Variants in SPECC1 observed in about 807,000 individuals in gnomAD.
The protein encoded by SPECC1 is cytospin-B.
SPECC1 carries 62 observed loss-of-function variants against 104.1 expected under a neutral mutation model. That is an observed-to-expected ratio of 0.60 (90% CI 0.49 to 0.74). The LOEUF (loss-of-function observed/expected upper bound fraction) is 0.74. Ranked by LOEUF, SPECC1 falls within the 30% of genes least tolerant of loss-of-function variation. SPECC1 has a pLI of 0.00. For synonymous variants in SPECC1, 513 were observed against 501.6 expected (o/e 1.02, Z -0.30); for missense variants, 1,306 against 1,310.5 (o/e 1.00, Z 0.05).
In SPECC1 at chr17:20,317,665, GC is replaced by G; in HGVS notation, c.*3601del. On this transcript the variant is annotated 3_prime_UTR_variant, in exon 15 of 15. Coordinates refer to ENST00000395527, the MANE Select transcript of SPECC1 (RefSeq NM_001243439.2). ...CACTTGAGCCCAGGAGTTTGAGGCT[GC>G]AGTAAGCTGTGTTTGTGCCACTGCA... is the stretch of plus-strand genomic sequence containing the variant. 4.9e-6 allele frequency: 1 copy of G among 202,156 alleles called. No individual in the cohort carries two copies. The highest frequency in any genetic ancestry group is 1.0e-5 in the Non-Finnish European group (1 of 98,444). The allele number at this position is 202,156 out of a possible 1,614,324, so 12.5% of individuals were successfully genotyped here.
chr17:20,205,084 C>T lies in SPECC1; in HGVS notation c.1035C>T (p.Ser345=), dbSNP rs764089118. 19 of 1,614,068 alleles carry T rather than the reference C, an allele frequency of 1.2e-5. No individual in the cohort carries two copies. In the Admixed American group the frequency reaches 3.2e-4, roughly 27 times the overall value. The part of the protein sequence containing the change: ...TAETPSRPLS[S]TSNPFKSSKC... ...AGACACCCTCAAGGCCCCTGTCCTC[C>T]ACCAGTAACCCCTTTAAGAGTTCAA... The change falls in exon 4 of 15, where the codon TCC becomes TCT. Residue 345 remains serine (S), a synonymous_variant. Transcript: ENST00000395527.
At chr17:20,233,524 G>A (rs753098278) in intron 7 of SPECC1, among the ~76,000 whole-genome samples, 18 of 152,104 alleles carry the variant, frequency 1.2e-4, no homozygotes, top group Non-Finnish European at 1.8e-4. Flanking sequence ...AATCAATATC[G>A]AGATCATTAT....
At chr17:20,142,281 G>T (rs2030904803) in intron 3 of SPECC1, among the ~76,000 whole-genome samples, 3 of 152,148 alleles carry the variant, frequency 2.0e-5, no homozygotes, top group Non-Finnish European at 2.9e-5. Flanking sequence ...ACCTTAAAAA[G>T]AAAAGTATAA....
chr17:20,040,579 G>A (rs2045283717), intron 1 of SPECC1, among the ~76,000 whole-genome samples: 1 of 152,050 alleles, frequency 6.6e-6, no homozygotes, highest in African/African-American at 2.4e-5. Flanking sequence ...ATTCTTGAAG[G>A]ATATTTTTAC....
At position 20,232,362 on chromosome 17, in the gene SPECC1, G is replaced by A. The variant is rs1036861060; in HGVS notation, c.2308G>A (p.Val770Met). The A allele has an allele frequency of 1.2e-6, 2 of 1,613,732 alleles. No homozygotes were observed. Among genetic ancestry groups the A allele is most frequent in the Non-Finnish European group, 1.7e-6 (2 of 1,179,870 alleles). Residue 770 changes from valine to methionine, a missense_variant, in exon 7 of 15, where the codon GTG (valine) becomes ATG (methionine). By Grantham distance (21) the Val-to-Met change is conservative. This residue lies in a region of SPECC1 where 1,177 missense variants were observed against 1,139.9 expected (regional missense o/e 1.03). Transcript: ENST00000395527. ...NARLQKELGDVQGHGRVVTSR... is the reference protein window; with the variant it reads ...NARLQKELGDMQGHGRVVTSR... ...CCGGTTGCAGAAGGAGCTGGGGGAT[G>A]TGCAGGGCCACGGCAGGGTGGTCAC...
chr17:20,261,277 C>A (rs1169864876), intron 12 of SPECC1, among the ~76,000 whole-genome samples: 1 of 151,902 alleles, frequency 6.6e-6, no homozygotes, highest in Non-Finnish European at 1.5e-5. Flanking sequence ...CCGAGGTGGG[C>A]AGATCACGAG....
At chr17:20,143,174 G>GC (rs1491252038) in intron 3 of SPECC1, among the ~76,000 whole-genome samples, 2 of 98,610 alleles carry the variant, frequency 2.0e-5, no homozygotes, top group African/African-American at 3.9e-5. Flanking sequence ...ATTCTTTATA[G>GC]GAAAAAAAAA....
In SPECC1 at chr17:20,113,136, G is replaced by A. The variant is rs182024829; in HGVS notation, c.283+2574G>A. 199 of 619,604 alleles carry A rather than the reference G, an allele frequency of 3.2e-4. No homozygotes were observed. In the East Asian group the frequency reaches 5.3e-3, roughly 17 times the overall value. The allele number at this position is 619,604 out of a possible 1,614,324, so 38.4% of individuals were successfully genotyped here. ...GAGGATTATGCTTGTTCTCAGTGGT[G>A]CATAAGGGAAAAAATTGACTTTTTT... On this transcript the variant is annotated intron_variant, in intron 3 of 14. Transcript: ENST00000395527.
chr17:20,063,572 G>T (rs2152473346), intron 1 of SPECC1, among the ~76,000 whole-genome samples: 1 of 152,210 alleles, frequency 6.6e-6, no homozygotes, highest in East Asian at 1.9e-4. Context: ...TGCTTTCTGT[G>T]GACTCAGAGA....
intron 9 of SPECC1, among the ~76,000 whole-genome samples, chr17:20,248,681 A>G (rs2039514293): frequency 6.6e-6 from 1 of 152,196 alleles, no homozygotes; most frequent in Non-Finnish European, 1.5e-5. Context: ...GTGGAAACTT[A>G]CATACTTTGC....
At chr17:20,265,798 A>G (rs557944245) in intron 12 of SPECC1, among the ~76,000 whole-genome samples, 2 of 152,298 alleles carry the variant, frequency 1.3e-5, no homozygotes, top group South Asian at 2.1e-4. Context: ...TCTAGTTTCT[A>G]TCTTCTGCGT....
At chr17:20,133,087 G>T (rs1300486946) in intron 3 of SPECC1, among the ~76,000 whole-genome samples, 1 of 152,066 alleles carries the variant, frequency 6.6e-6, no homozygotes, top group Non-Finnish European at 1.5e-5. Flanking sequence ...TTTTGAGTCT[G>T]TGGAGTCTGT....
intron 12 of SPECC1, among the ~76,000 whole-genome samples, chr17:20,281,468 C>T (rs543084966): frequency 1.3e-5 from 2 of 152,272 alleles, no homozygotes; most frequent in East Asian, 3.9e-4. Context: ...ACCATGCTTC[C>T]CTGCGGTGTA....
At chr17:20,053,710 ACTC>A (rs1243863098) in intron 1 of SPECC1, among the ~76,000 whole-genome samples, 2 of 152,008 alleles carry the variant, frequency 1.3e-5, no homozygotes, top group African/African-American at 4.8e-5. Context: ...AGGTGAGTGA[ACTC>A]CTTGGAAGTG....
chr17:20,297,183 G>GAT (rs1366075323), intron 13 of SPECC1, 106 bp downstream of exon 13: 22 of 873,504 alleles, frequency 2.5e-5, no homozygotes, highest in Non-Finnish European at 3.6e-5. Context: ...TAGAAGTTGG[G>GAT]ATATTGATAC....
chr17:20,280,732 A>G (rs1303969226), intron 12 of SPECC1, among the ~76,000 whole-genome samples: 1 of 152,222 alleles, frequency 6.6e-6, no homozygotes, highest in Non-Finnish European at 1.5e-5. Context: ...TTAAACAGCC[A>G]CATGGGGCTG....
chr17:20,057,309 C>T (rs1424583263), intron 1 of SPECC1, among the ~76,000 whole-genome samples: 4 of 152,020 alleles, frequency 2.6e-5, no homozygotes, highest in Admixed American at 1.3e-4. Context: ...GGCGTGGTGG[C>T]GGGCGCCTAT....
chr17:20,303,150 A>G (rs2041648884), intron 13 of SPECC1, among the ~76,000 whole-genome samples: 1 of 151,844 alleles, frequency 6.6e-6, no homozygotes, highest in Non-Finnish European at 1.5e-5. Flanking sequence ...ATTAAAAGCC[A>G]TAAAATATTT....
intron 1 of SPECC1, among the ~76,000 whole-genome samples, chr17:20,019,207 CATTCATTTATT>C (rs1174136538): frequency 3.1e-5 from 4 of 127,188 alleles, no homozygotes; most frequent in African/African-American, 8.5e-5. Flanking sequence ...AAGACCCTAT[CATTCATTTATT>C]TATTTATTTA....
Sources: gnomAD v4.1 joint callset for allele counts (sites outside exome capture counted in the v4.1 genomes callset) on GRCh38, gnomAD v4.1.1 for gene constraint, gnomAD v4.1.1 regional missense constraint, MANE v1.5 for transcripts, NCBI Gene and HGNC (gene_info 2026-07-23, HGNC 2026-07-21) for gene names.